The following EPYC variants were observed in gnomAD, a reference collection of about 807,000 sequenced individuals.
EPYC encodes dermatan sulfate proteoglycan 3.
In EPYC, 28 loss-of-function variants were observed where a neutral mutation model predicts 30.1. That is an observed-to-expected ratio of 0.93 (90% CI 0.69 to 1.28). The LOEUF (loss-of-function observed/expected upper bound fraction) is 1.28. EPYC is among the 50% of genes most tolerant of loss of function. EPYC has a pLI of 0.00. For missense variants in EPYC, 382 were observed against 383.5 expected, an observed-to-expected ratio of 1.00 and a Z score of 0.03; for synonymous variants, 144 against 141.4, an observed-to-expected ratio of 1.02 and a Z score of -0.13.
chr12:90,991,648 G>A (rs766000230), intron 2 of EPYC, among the ~76,000 whole-genome samples: 4 of 152,148 alleles, frequency 2.6e-5, no homozygotes, highest in African/African-American at 7.2e-5. Flanking sequence ...AAATTAAGAA[G>A]CATATTAATT....
intron 3 of EPYC, among the ~76,000 whole-genome samples, chr12:90,975,864 A>G (rs1877166676): frequency 6.6e-6 from 1 of 152,124 alleles, no homozygotes; most frequent in Non-Finnish European, 1.5e-5. Flanking sequence ...ATTTAACTAC[A>G]CAGAAAGAAT....
At position 90,978,151 on chromosome 12, in the gene EPYC, T is replaced by C; in HGVS notation, c.277A>G (p.Ile93Val). The C allele has an allele frequency of 6.2e-7, 1 of 1,605,482 alleles. No individual in the cohort carries two copies. The highest frequency in any genetic ancestry group is 1.1e-5 in the South Asian group (1 of 89,800). ...GGCTCCTGGGGAGAAGAGCCATCAATCAGCCTGGGAGTAGATTCCTCCTCC... is the reference window on the plus strand; with the variant it reads ...GGCTCCTGGGGAGAAGAGCCATCAACCAGCCTGGGAGTAGATTCCTCCTCC... ...EEEEESTPRL[I>V]DGSSPQEPEF... The change falls in exon 3 of 7, where the codon ATT becomes GTT. Residue 93 changes from isoleucine to valine, a missense_variant. Ile to Val is a conservative substitution (Grantham distance 29, BLOSUM62 3). Coordinates refer to ENST00000261172, the MANE Select transcript of EPYC (RefSeq NM_004950.5).
At position 90,971,820 on chromosome 12, in the gene EPYC, T is replaced by A. The variant is rs777381957; in HGVS notation, c.682A>T (p.Ile228Leu). 6 of 1,605,926 alleles carry A rather than the reference T, an allele frequency of 3.7e-6. No individual in the cohort carries two copies. In the East Asian group the frequency reaches 1.4e-4, roughly 36 times the overall value. Residue 228 changes from isoleucine to leucine, a missense_variant, in exon 5 of 7, where the codon ATA becomes TTA. Coordinates refer to ENST00000261172, the MANE Select transcript of EPYC (RefSeq NM_004950.5). ...ISNNRLGRKG[I>L]KQEAFKDMYD... ...CTTACTTTAAATGCTTCTTGCTTTA[T>A]CCCTTTCCTTCCAAGTCTATTGTTG... is the stretch of plus-strand genomic sequence containing the variant.
intron 2 of EPYC, among the ~76,000 whole-genome samples, chr12:91,000,062 A>G (rs1254328609): frequency 6.6e-6 from 1 of 152,064 alleles, no homozygotes; most frequent in Non-Finnish European, 1.5e-5. Flanking sequence ...GCCTATTTAT[A>G]TCTGTATCTA....
chr12:90,998,366 G>T (rs1877744717), intron 2 of EPYC, among the ~76,000 whole-genome samples: 2 of 152,004 alleles, frequency 1.3e-5, no homozygotes, highest in Admixed American at 6.6e-5. Flanking sequence ...CACTCTGATG[G>T]CATTGTTGGG....
chr12:90,973,204 T>G (rs1425792966), intron 3 of EPYC, among the ~76,000 whole-genome samples: 1 of 41,290 alleles, frequency 2.4e-5, no homozygotes, highest in Non-Finnish European at 5.1e-5. Context: ...AATTTAAAAT[T>G]AGTACTTTTC....
intron 5 of EPYC, among the ~76,000 whole-genome samples, chr12:90,970,421 T>C (rs564505275): frequency 2.4e-4 from 36 of 152,352 alleles, no homozygotes; most frequent in Non-Finnish European, 4.0e-4. Flanking sequence ...TCAGTCTGAC[T>C]TTCTCAATTT....
chr12:90,977,815 A>G (rs887292578), intron 3 of EPYC, among the ~76,000 whole-genome samples: 8 of 152,140 alleles, frequency 5.3e-5, no homozygotes, highest in Admixed American at 1.3e-4. Flanking sequence ...TCTGTTCTAC[A>G]AATACATTCC....
chr12:91,000,755 G>A (rs1228368040), intron 2 of EPYC, among the ~76,000 whole-genome samples: 1 of 151,542 alleles, frequency 6.6e-6, no homozygotes, highest in Non-Finnish European at 1.5e-5. Context: ...GAACTAAAAT[G>A]TTTAATTTGA....
chr12:90,976,233 G>A (rs1877175298), intron 3 of EPYC, among the ~76,000 whole-genome samples: 1 of 152,028 alleles, frequency 6.6e-6, no homozygotes, highest in Non-Finnish European at 1.5e-5. Context: ...GGATGAACAA[G>A]TTCTAGAGGT....
chr12:91,002,362 T>G (rs1877851328), intron 2 of EPYC, 39 bp downstream of exon 2: 9 of 1,584,208 alleles, frequency 5.7e-6, no homozygotes, highest in Non-Finnish European at 7.7e-6. Context: ...TTCCTCATCC[T>G]ATGCTTTTTA....
At chr12:90,970,574 A>G (rs1240034084) in intron 5 of EPYC, among the ~76,000 whole-genome samples, 1 of 152,206 alleles carries the variant, frequency 6.6e-6, no homozygotes, top group Non-Finnish European at 1.5e-5. Flanking sequence ...CCCAACTACC[A>G]GAAAAGGGCA....
intron 2 of EPYC, among the ~76,000 whole-genome samples, chr12:90,985,461 C>T (rs962457025): frequency 3.3e-5 from 5 of 151,972 alleles, no homozygotes; most frequent in African/African-American, 4.8e-5. Context: ...CATTATTAAA[C>T]CTGGCAACCT....
At chr12:90,981,799 C>A (rs1484034589) in intron 2 of EPYC, among the ~76,000 whole-genome samples, 1 of 151,976 alleles carries the variant, frequency 6.6e-6, no homozygotes, top group Non-Finnish European at 1.5e-5. Flanking sequence ...GGATCATAAA[C>A]CATTTTCTGC....
chr12:90,965,639 A>G (rs1214042040), intron 6 of EPYC, among the ~76,000 whole-genome samples: 1 of 152,132 alleles, frequency 6.6e-6, no homozygotes, highest in Non-Finnish European at 1.5e-5. Context: ...TATAACCTAT[A>G]ACATTGCTGA....
Position 90,979,492 on chromosome 12 carries a change from C to G in EPYC, c.166-1230G>C, listed in dbSNP as rs566238473. 8.5e-4 allele frequency among the ~76,000 whole-genome samples: 130 copies of G among 152,112 alleles called. 1 individual carries two copies. The highest frequency in any genetic ancestry group is 3.1e-3 in the African/African-American group (127 of 41,534). On this transcript the variant is annotated intron_variant, in intron 2 of 6. Transcript: ENST00000261172. The stretch of plus-strand genomic sequence containing the variant: ...AGGTATTTTCTAGGTGTTTGAGTAA[C>G]CAAAAAATTTTAGGAATACACTTAT...
At chr12:90,984,197 A>T (rs777925911) in intron 2 of EPYC, among the ~76,000 whole-genome samples, 42 of 152,190 alleles carry the variant, frequency 2.8e-4, no homozygotes, top group Admixed American at 3.9e-4. Context: ...ATTGGTAAGG[A>T]CCACTAAATC....
chr12:90,982,493 G>T (rs535020992), intron 2 of EPYC, among the ~76,000 whole-genome samples: 188 of 152,010 alleles, frequency 1.2e-3, no homozygotes, highest in Non-Finnish European at 2.4e-3. Flanking sequence ...CCTGGCCCCA[G>T]GCAATCACTT....
At chr12:90,968,191 C>A (rs1282991563) in intron 6 of EPYC, among the ~76,000 whole-genome samples, 2 of 152,074 alleles carry the variant, frequency 1.3e-5, no homozygotes, top group Non-Finnish European at 2.9e-5. Context: ...TGTTTTGTGC[C>A]TATTAACTCT....
Sources: allele counts gnomAD v4.1 joint callset (sites outside exome capture counted in the v4.1 genomes callset), GRCh38; gene constraint gnomAD v4.1.1; transcripts MANE v1.5; gene names NCBI Gene and HGNC (gene_info 2026-07-23, HGNC 2026-07-21).